Variants in FUT9 observed in about 807,000 individuals in gnomAD.
FUT9 encodes fucosyltransferase 9.
In FUT9, 15 loss-of-function variants were observed where a neutral mutation model predicts 29.7. The ratio of observed to expected loss-of-function variants is 0.51; its 90% CI spans 0.34 to 0.78. The LOEUF is 0.78. Among genes scored for constraint, FUT9 ranks in the 30% least tolerant of loss-of-function variants. FUT9 has a pLI of 0.01. For missense variants in FUT9, 319 were observed against 425.4 expected (o/e 0.75, Z 2.20); for synonymous variants, 169 against 153.7 (o/e 1.10, Z -0.74).
chr6:96,064,127 T>C (rs1244602508), intron 1 of FUT9, among the ~76,000 whole-genome samples: 1 of 152,188 alleles, frequency 6.6e-6, no homozygotes, highest in Non-Finnish European at 1.5e-5. Flanking sequence ...TACCTCATTT[T>C]TGCTAGCTCA....
At chr6:96,185,662 G>A (rs1773392715) in intron 2 of FUT9, among the ~76,000 whole-genome samples, 1 of 152,110 alleles carries the variant, frequency 6.6e-6, no homozygotes, top group East Asian at 1.9e-4. Flanking sequence ...TTAATGAGGA[G>A]GGATCAGCCT....
intron 1 of FUT9, among the ~76,000 whole-genome samples, chr6:96,105,290 C>G (rs1771657481): frequency 6.6e-6 from 1 of 152,144 alleles, no homozygotes; most frequent in Non-Finnish European, 1.5e-5. Flanking sequence ...ATTATTAACA[C>G]ATAGCTCAAA....
chr6:96,138,176 T>C (rs1772394889), intron 2 of FUT9, among the ~76,000 whole-genome samples: 1 of 152,138 alleles, frequency 6.6e-6, no homozygotes, highest in South Asian at 2.1e-4. Context: ...GATTAAAAAA[T>C]AGGGCAGCAA....
At chr6:96,156,040 G>T (rs1464206575) in intron 2 of FUT9, among the ~76,000 whole-genome samples, 1 of 152,174 alleles carries the variant, frequency 6.6e-6, no homozygotes, top group African/African-American at 2.4e-5. Flanking sequence ...TGCAGTAGGA[G>T]ACTTTATTTC....
At chr6:96,050,339 A>C (rs1014468904) in intron 1 of FUT9, among the ~76,000 whole-genome samples, 1 of 152,184 alleles carries the variant, frequency 6.6e-6, no homozygotes, top group African/African-American at 2.4e-5. Context: ...CCATTTTAAA[A>C]ATTTTGAACA....
At chr6:96,163,328 T>C (rs961762815) in intron 2 of FUT9, among the ~76,000 whole-genome samples, 2 of 151,136 alleles carry the variant, frequency 1.3e-5, no homozygotes, top group African/African-American at 2.4e-5. Context: ...TTACCAGTGT[T>C]AAAGCAAACT....
intron 1 of FUT9, among the ~76,000 whole-genome samples, chr6:96,085,998 G>A (rs890680959): frequency 1.3e-5 from 2 of 152,032 alleles, no homozygotes; most frequent in Non-Finnish European, 2.9e-5. Flanking sequence ...TTCATCAGTA[G>A]GACAATTGTA....
intron 1 of FUT9, among the ~76,000 whole-genome samples, chr6:96,075,783 T>C (rs1163861812): frequency 6.6e-6 from 1 of 152,210 alleles, no homozygotes; most frequent in East Asian, 1.9e-4. Context: ...TTAAGTTCAC[T>C]GACCGATTTG....
In FUT9 at chr6:96,211,735, T is replaced by C. The variant is rs948602520; in HGVS notation, c.*7500T>C. The C allele has an allele frequency of 1.1e-5, 2 of 179,734 alleles. No individual in the cohort carries two copies. Among genetic ancestry groups the C allele is most frequent in the South Asian group, 2.0e-4 (1 of 4,946 alleles). The allele number at this position is 179,734 out of a possible 1,614,324, so 11.1% of individuals were successfully genotyped here. A position where few individuals can be genotyped will look rare whatever the true frequency, so the allele number is the denominator to read the frequency against. On this transcript the variant is annotated 3_prime_UTR_variant, in exon 3 of 3. Transcript: ENST00000302103. The stretch of plus-strand genomic sequence containing the variant: ...ACTATGTTAGAATAAAAAAGTAGGC[T>C]CAAGGAAAATTTCTATTTTTCTATA...
intron 2 of FUT9, among the ~76,000 whole-genome samples, chr6:96,189,365 ATTT>A (rs10593649): frequency 0.15 from 23,312 of 151,316 alleles, 2,024 homozygotes; most frequent in Admixed American, 0.25. Flanking sequence ...GACTTTTAAC[ATTT>A]TTTTTTTTTA....
chr6:96,158,926 T>A (rs1296393296), intron 2 of FUT9, among the ~76,000 whole-genome samples: 1 of 151,878 alleles, frequency 6.6e-6, no homozygotes, highest in Non-Finnish European at 1.5e-5. Context: ...AATGTAAAGG[T>A]AAAGGTCAAT....
At chr6:96,140,327 T>C (rs1280613813) in intron 2 of FUT9, among the ~76,000 whole-genome samples, 1 of 152,210 alleles carries the variant, frequency 6.6e-6, no homozygotes, top group Non-Finnish European at 1.5e-5. Context: ...TACTGTCTTC[T>C]GAGCCTTCCA....
At chr6:96,117,176 A>AT (rs370209161) in intron 2 of FUT9, among the ~76,000 whole-genome samples, 5 of 152,168 alleles carry the variant, frequency 3.3e-5, no homozygotes, top group Non-Finnish European at 5.9e-5. Context: ...ATTTTAGTTG[A>AT]TTTTTTTCAA....
intron 1 of FUT9, among the ~76,000 whole-genome samples, chr6:96,100,184 T>C (rs1041920881): frequency 9.9e-5 from 15 of 151,794 alleles, no homozygotes; most frequent in Admixed American, 5.3e-4. Flanking sequence ...TATCAAAAAG[T>C]GTCCTCAAAG....
intron 1 of FUT9, among the ~76,000 whole-genome samples, chr6:96,017,271 T>A (rs562653239): frequency 6.6e-6 from 1 of 152,360 alleles, no homozygotes; most frequent in East Asian, 1.9e-4. Context: ...TTAGAAAACA[T>A]TGTACCAAGA....
intron 2 of FUT9, among the ~76,000 whole-genome samples, chr6:96,139,807 G>A (rs1772428149): frequency 6.6e-6 from 1 of 152,094 alleles, no homozygotes; most frequent in Admixed American, 6.6e-5. Context: ...TGAGATGCAG[G>A]GGGCACCATG....
chr6:96,116,621 T>C (rs1327417668), intron 2 of FUT9, among the ~76,000 whole-genome samples: 1 of 152,204 alleles, frequency 6.6e-6, no homozygotes, highest in Non-Finnish European at 1.5e-5. Flanking sequence ...AGGAAAGTAT[T>C]GATTTATGCA....
chr6:96,113,841 G>A (rs753989243), intron 1 of FUT9, among the ~76,000 whole-genome samples, 198 bp from the exon 2 acceptor site: 7 of 128,620 alleles, frequency 5.4e-5, no homozygotes, highest in African/African-American at 1.1e-4. Flanking sequence ...GCCACAGAGC[G>A]AGACTCCATC....
intron 1 of FUT9, chr6:96,037,041 A>C (rs1770375743): frequency 6.6e-6 from 1 of 152,016 alleles, no homozygotes; most frequent in Non-Finnish European, 1.5e-5. Context: ...CATGGCTCTT[A>C]ACCAAGAGCC....
Sources: gnomAD v4.1 joint callset for allele counts (sites outside exome capture counted in the v4.1 genomes callset) on GRCh38, gnomAD v4.1.1 for gene constraint, MANE v1.5 for transcripts, NCBI Gene and HGNC (gene_info 2026-07-23, HGNC 2026-07-21) for gene names.